Variants in LRP6 observed in about 807,000 individuals in gnomAD.
LRP6 encodes LDL receptor related protein 6.
Under a neutral mutation model 184.1 loss-of-function variants are expected in LRP6, and 43 were observed. That is an observed-to-expected ratio of 0.23 (90% confidence interval 0.18 to 0.30). The LOEUF is 0.30. Among genes scored for constraint, LRP6 ranks in the 10% least tolerant of loss-of-function variants. The probability of loss-of-function intolerance (pLI) is 1.00; values close to 1 mark genes in which losing one functional copy is unlikely to be tolerated. For synonymous variants in LRP6, 719 were observed against 684.9 expected (o/e 1.05, Z -0.78); for missense variants, 1,571 against 2,005.3 (o/e 0.78, Z 4.14).
chr12:12,173,050 A>G (rs1027720072), intron 7 of LRP6, among the ~76,000 whole-genome samples: 1 of 152,206 alleles, frequency 6.6e-6, no homozygotes, highest in African/African-American at 2.4e-5. Flanking sequence ...AATATTAAAG[A>G]TTTGCAATTA....
rs138910723 is a variant in LRP6, at chr12:12,195,416, T to C, written c.647+7787A>G. Among the ~76,000 whole-genome samples the C allele has an allele frequency of 2.2e-3, 334 of 152,266 alleles. 2 individuals carry two copies. The highest frequency in any genetic ancestry group is 3.4e-3 in the Middle Eastern group (1 of 294). ...GTAACTAGGGTGAGATGATACTTCA[T>C]TGTGAATTTAATTTGCATTTCCTGG... On this transcript the variant is annotated intron_variant, in intron 3 of 22. Transcript: ENST00000261349.
At chr12:12,262,812 T>C (rs1865652017) in intron 1 of LRP6, among the ~76,000 whole-genome samples, 1 of 152,166 alleles carries the variant, frequency 6.6e-6, no homozygotes, top group Admixed American at 6.5e-5. Flanking sequence ...ATTCCATACA[T>C]ATTTGCTAAA....
chr12:12,131,097 A>ATTTTTTTTTTTTTTT (rs35705276), intron 18 of LRP6, among the ~76,000 whole-genome samples: 3 of 78,200 alleles, frequency 3.8e-5, no homozygotes, highest in African/African-American at 1.2e-4. Flanking sequence ...ATTTCCTAAC[A>ATTTTTTTTTTTTTTT]TTTTTTTTTT....
chr12:12,248,301 A>C (rs1402159563), intron 1 of LRP6, among the ~76,000 whole-genome samples: 1 of 152,146 alleles, frequency 6.6e-6, no homozygotes, highest in African/African-American at 2.4e-5. Flanking sequence ...CCATCAGAAT[A>C]ATAATTATAT....
intron 4 of LRP6, among the ~76,000 whole-genome samples, chr12:12,186,231 T>C (rs1863470366): frequency 6.6e-6 from 1 of 152,226 alleles, no homozygotes; most frequent in Admixed American, 6.5e-5. Flanking sequence ...AACTCATTTG[T>C]GTATAAGCCT....
intron 6 of LRP6, 53 bp from the exon 7 acceptor site, chr12:12,180,034 C>T: frequency 6.8e-7 from 1 of 1,466,658 alleles, no homozygotes; most frequent in Non-Finnish European, 9.5e-7. Flanking sequence ...ATGTAACTTT[C>T]AGATATTCTA....
intron 1 of LRP6, among the ~76,000 whole-genome samples, chr12:12,257,662 C>G (rs1303110093): frequency 6.8e-6 from 1 of 147,340 alleles, no homozygotes; most frequent in African/African-American, 2.5e-5. Context: ...GTACTTGAGG[C>G]CAGGCATGGT....
chr12:12,202,886 G>T (rs1385759122), intron 3 of LRP6, among the ~76,000 whole-genome samples: 1 of 152,088 alleles, frequency 6.6e-6, no homozygotes, highest in Non-Finnish European at 1.5e-5. Context: ...CCCAGTCCTT[G>T]GGTTAAACAA....
In LRP6 at chr12:12,119,988, AAAATATATATAT is replaced by A. The variant is rs1949575217; in HGVS notation, c.*1126_*1137del. 1 of 97,046 alleles carries A rather than the reference AAAATATATATAT, an allele frequency of 1.0e-5. No individual in the cohort carries two copies. Among genetic ancestry groups the A allele is most frequent in the Admixed American group, 1.2e-4 (1 of 8,202 alleles). The allele number at this position is 97,046 out of a possible 1,614,324, so 6.0% of individuals were successfully genotyped here. A position where few individuals can be genotyped will look rare whatever the true frequency, so the allele number is the denominator to read the frequency against. ...TTACTCAGAAAACAAACAAACAAAC[AAAATATATATAT>A]ATATATATATATATATATATATATA... On this transcript the variant is annotated 3_prime_UTR_variant, in exon 23 of 23. Coordinates refer to ENST00000261349, the MANE Select transcript of LRP6 (RefSeq NM_002336.3).
chr12:12,247,277 T>C (rs1263217755), intron 1 of LRP6, among the ~76,000 whole-genome samples: 1 of 152,232 alleles, frequency 6.6e-6, no homozygotes, highest in Non-Finnish European at 1.5e-5. Flanking sequence ...AATCATCTAA[T>C]ATTTACTGGG....
At chr12:12,207,598 T>A (rs763905424) in intron 2 of LRP6, among the ~76,000 whole-genome samples, 3 of 151,930 alleles carry the variant, frequency 2.0e-5, no homozygotes, top group Non-Finnish European at 2.9e-5. Flanking sequence ...CTGACTCTGG[T>A]GGGGGCAAGC....
chr12:12,194,853 CTTCTT>C (rs1486570746), intron 3 of LRP6, among the ~76,000 whole-genome samples: 1 of 152,030 alleles, frequency 6.6e-6, no homozygotes, highest in Non-Finnish European at 1.5e-5. Flanking sequence ...TAGCAAATCT[CTTCTT>C]ATCTCTTCCT....
chr12:12,152,375 C>T (rs59386755), intron 12 of LRP6, among the ~76,000 whole-genome samples: 11,692 of 152,132 alleles, frequency 0.077, 525 homozygotes, highest in Admixed American at 0.11. Flanking sequence ...CAGCCTCCAC[C>T]TCCCAGGTTC....
intron 5 of LRP6, among the ~76,000 whole-genome samples, chr12:12,182,952 T>C (rs1863378213): frequency 6.6e-6 from 1 of 152,240 alleles, no homozygotes; most frequent in Non-Finnish European, 1.5e-5. Flanking sequence ...AAATAAATCC[T>C]CTGTTTTAAA....
At chr12:12,253,297 G>A (rs1171883538) in intron 1 of LRP6, among the ~76,000 whole-genome samples, 2 of 151,990 alleles carry the variant, frequency 1.3e-5, no homozygotes, top group African/African-American at 2.4e-5. Context: ...TAATCATTAC[G>A]CTTATAGATA....
chr12:12,184,978 A>T (rs1356094068), intron 4 of LRP6, among the ~76,000 whole-genome samples: 1 of 152,116 alleles, frequency 6.6e-6, no homozygotes, highest in African/African-American at 2.4e-5. Flanking sequence ...TAAAACATAA[A>T]GGACCAACAA....
intron 12 of LRP6, among the ~76,000 whole-genome samples, chr12:12,151,512 C>T (rs934475697): frequency 5.3e-5 from 8 of 151,338 alleles, no homozygotes; most frequent in Admixed American, 5.3e-4. Flanking sequence ...GATTTTTAGT[C>T]TCAGCCTTCT....
intron 12 of LRP6, 124 bp downstream of exon 12, chr12:12,158,705 A>T: frequency 2.2e-6 from 2 of 923,738 alleles, no homozygotes; most frequent in Non-Finnish European, 3.4e-6. Context: ...CCTACCCTTT[A>T]ACCAAACAAA....
At chr12:12,149,760 C>G (rs1950057850) in intron 13 of LRP6, among the ~76,000 whole-genome samples, 1 of 152,138 alleles carries the variant, frequency 6.6e-6, no homozygotes, top group African/African-American at 2.4e-5. Context: ...ATCAAGTCAT[C>G]TCCTTTTCTG....
Sources: allele counts gnomAD v4.1 joint callset (sites outside exome capture counted in the v4.1 genomes callset), GRCh38; gene constraint gnomAD v4.1.1; transcripts MANE v1.5; gene names NCBI Gene and HGNC (gene_info 2026-07-23, HGNC 2026-07-21).